The following C2CD5 variants were observed in gnomAD, a reference collection of about 807,000 sequenced individuals.
The protein encoded by C2CD5 is C2 domain-containing protein 5.
In C2CD5, 109 loss-of-function variants were observed where a neutral mutation model predicts 130.3. The observed-to-expected ratio is 0.84, with a 90% confidence interval of 0.72 to 0.98. C2CD5 has a LOEUF of 0.98. Among genes scored for constraint, C2CD5 ranks in the 50% least tolerant of loss-of-function variants. The probability of loss-of-function intolerance (pLI) is 0.00; values close to 1 mark genes in which losing one functional copy is unlikely to be tolerated. For missense variants in C2CD5, 996 were observed against 1,261.8 expected, an observed-to-expected ratio of 0.79 and a Z score of 3.19; for synonymous variants, 454 against 429.2, an observed-to-expected ratio of 1.06 and a Z score of -0.71.
intron 15 of C2CD5, among the ~76,000 whole-genome samples, chr12:22,476,512 C>T (rs538697271): frequency 6.6e-6 from 1 of 152,018 alleles, no homozygotes; most frequent in African/African-American, 2.4e-5. Context: ...GATTTACTCC[C>T]TCCTTCCAAA....
chr12:22,495,051 C>G (rs925186921), intron 10 of C2CD5, among the ~76,000 whole-genome samples: 1 of 152,040 alleles, frequency 6.6e-6, no homozygotes, highest in Non-Finnish European at 1.5e-5. Flanking sequence ...ATAATTGTCA[C>G]AACCATAGAA....
chr12:22,472,983 T>C lies in C2CD5; in HGVS notation c.2044-176A>G, dbSNP rs372358206. On this transcript the variant is annotated intron_variant, in intron 16 of 26. Coordinates refer to ENST00000446597, the MANE Select transcript of C2CD5 (RefSeq NM_001286176.2). Reference sequence around the variant, plus strand: ...TCTCCACAGTAATAACCACAAATACTTCCAAGTGAAATATTTTACGTACAA... The same window carrying C: ...TCTCCACAGTAATAACCACAAATACCTCCAAGTGAAATATTTTACGTACAA... Among the ~76,000 whole-genome samples, 19 of 152,204 alleles carry C rather than the reference T, an allele frequency of 1.2e-4. 1 individual carries two copies. The South Asian group carries it at 3.9e-3, about 32-fold the overall frequency.
At chr12:22,463,157 C>A (rs1192392412) in intron 22 of C2CD5, among the ~76,000 whole-genome samples, 1 of 151,700 alleles carries the variant, frequency 6.6e-6, no homozygotes, top group Non-Finnish European at 1.5e-5. Context: ...GAGGCCAAGG[C>A]AGGCGGATCA....
rs942570169 is a variant in C2CD5, at chr12:22,481,675, G to A, written c.1737+882C>T. 2.0e-3 allele frequency among the ~76,000 whole-genome samples: 224 copies of A among 111,008 alleles called. 1 individual carries two copies. Among genetic ancestry groups the A allele is most frequent in the Non-Finnish European group, 3.2e-3 (187 of 57,540 alleles). The allele number at this position is 111,008 out of a possible 152,430, so 72.8% of individuals were successfully genotyped here. ...TTTTTTTTTTTTTTTTTTTTTTTGA[G>A]ACAGAGCCTCACTCTGTCGCCTCGG... On this transcript the variant is annotated intron_variant, in intron 14 of 26. Coordinates refer to ENST00000446597, the MANE Select transcript of C2CD5 (RefSeq NM_001286176.2).
intron 3 of C2CD5, among the ~76,000 whole-genome samples, chr12:22,531,942 T>C (rs1378232374): frequency 6.6e-6 from 1 of 152,196 alleles, no homozygotes; most frequent in Non-Finnish European, 1.5e-5. Flanking sequence ...AATTAAACTA[T>C]ACATTAACGA....
intron 10 of C2CD5, chr12:22,502,876 C>T: frequency 2.5e-6 from 2 of 806,080 alleles, no homozygotes; most frequent in Admixed American, 4.4e-5. Flanking sequence ...AAAAACACTA[C>T]AAACAAGAAC....
intron 12 of C2CD5, among the ~76,000 whole-genome samples, chr12:22,486,431 AG>A (rs1405169143): frequency 1.3e-5 from 2 of 152,186 alleles, no homozygotes; most frequent in African/African-American, 2.4e-5. Context: ...TTTCTACATA[AG>A]GGAAAACTAA....
chr12:22,544,278 G>C (rs2137414807), intron 1 of C2CD5, 42 bp downstream of exon 1: 1 of 742,790 alleles, frequency 1.3e-6, no homozygotes, highest in Non-Finnish European at 2.0e-6. Context: ...GCGCGGGGGC[G>C]CGCGCGGGCG....
chr12:22,542,294 T>C (rs1021596685), intron 2 of C2CD5, among the ~76,000 whole-genome samples: 1 of 152,202 alleles, frequency 6.6e-6, no homozygotes, highest in Non-Finnish European at 1.5e-5. Context: ...TCCCAGCACT[T>C]TGGGAGGCCG....
At chr12:22,461,916 C>T (rs548212426) in intron 22 of C2CD5, among the ~76,000 whole-genome samples, 1 of 152,088 alleles carries the variant, frequency 6.6e-6, no homozygotes, top group South Asian at 2.1e-4. Flanking sequence ...AAAAAAAGGC[C>T]CAAGAGGCCC....
intron 2 of C2CD5, among the ~76,000 whole-genome samples, chr12:22,536,105 T>C (rs536067046): frequency 2.7e-5 from 4 of 150,778 alleles, no homozygotes; most frequent in African/African-American, 9.8e-5. Context: ...ACTTCCAAGA[T>C]ACATCTTTCT....
intron 10 of C2CD5, among the ~76,000 whole-genome samples, chr12:22,500,081 G>A (rs1947561630): frequency 6.6e-6 from 1 of 152,110 alleles, no homozygotes; most frequent in South Asian, 2.1e-4. Flanking sequence ...CTACTTGGGA[G>A]GCTGAGGCAT....
In C2CD5 at chr12:22,465,582, A is replaced by G. The variant is rs181911039; in HGVS notation, c.2533+4127T>C. On this transcript the variant is annotated intron_variant, in intron 22 of 26. Coordinates refer to ENST00000446597, the MANE Select transcript of C2CD5 (RefSeq NM_001286176.2). ...AAATTCTTGAGATAAACTGAAATCT[A>G]TGAGAAGAATCTCGCTGATTTTTTT... 2.0e-4 allele frequency among the ~76,000 whole-genome samples: 31 copies of G among 152,220 alleles called. No homozygotes were observed. The East Asian group carries it at 5.8e-3, about 28-fold the overall frequency.
intron 15 of C2CD5, 108 bp downstream of exon 15, chr12:22,478,205 G>A: frequency 1.2e-6 from 1 of 816,272 alleles, no homozygotes; most frequent in Non-Finnish European, 2.1e-6. Context: ...TGAGTAATAA[G>A]GAGAGCTAAA....
chr12:22,487,713 A>G (rs910872650), intron 12 of C2CD5, among the ~76,000 whole-genome samples: 9 of 152,056 alleles, frequency 5.9e-5, no homozygotes, highest in African/African-American at 1.5e-4. Context: ...TATATACCCA[A>G]AGGATTATAA....
intron 2 of C2CD5, among the ~76,000 whole-genome samples, chr12:22,540,397 C>G (rs1259710785): frequency 2.0e-5 from 3 of 152,234 alleles, no homozygotes; most frequent in African/African-American, 7.2e-5. Flanking sequence ...TTTATGAACT[C>G]TCTCCTCCCA....
At chr12:22,528,889 T>G (rs1332327393) in intron 3 of C2CD5, among the ~76,000 whole-genome samples, 1 of 152,158 alleles carries the variant, frequency 6.6e-6, no homozygotes, top group Non-Finnish European at 1.5e-5. Flanking sequence ...AAGCTAATAA[T>G]CCAGCCTCTG....
chr12:22,490,502 GAATGA>G (rs148510880), intron 11 of C2CD5, among the ~76,000 whole-genome samples: 3,228 of 152,152 alleles, frequency 0.021, 106 homozygotes, highest in African/African-American at 0.073. Flanking sequence ...AAGGCTGAAA[GAATGA>G]AATGTTTCAA....
At chr12:22,467,700 ACCTCACGGTC>A (rs1942315115) in intron 22 of C2CD5, among the ~76,000 whole-genome samples, 1 of 152,184 alleles carries the variant, frequency 6.6e-6, no homozygotes, top group Non-Finnish European at 1.5e-5. Flanking sequence ...TTTCCAACCT[ACCTCACGGTC>A]CCTCTCAATT....
Sources: gnomAD v4.1 joint callset for allele counts (sites outside exome capture counted in the v4.1 genomes callset) on GRCh38, gnomAD v4.1.1 for gene constraint, MANE v1.5 for transcripts, NCBI Gene and HGNC (gene_info 2026-07-23, HGNC 2026-07-21) for gene names.